Variants in EPAS1 observed in about 807,000 individuals in gnomAD.
The protein encoded by EPAS1 is endothelial PAS domain protein 1, also known as endothelial PAS domain-containing protein 1.
In EPAS1, 23 loss-of-function variants were observed where a neutral mutation model predicts 87.9. The observed-to-expected ratio is 0.26, with a 90% CI of 0.19 to 0.37. The LOEUF (loss-of-function observed/expected upper bound fraction) is 0.37, where lower values mean the gene tolerates loss of function less well. Among genes scored for constraint, EPAS1 ranks in the 10% least tolerant of loss-of-function variants. The pLI, the probability that EPAS1 is intolerant of heterozygous loss-of-function variation, is 1.00. For synonymous variants in EPAS1, 508 were observed against 444.3 expected (o/e 1.14, Z -1.80); for missense variants, 1,138 against 1,120.7 (o/e 1.02, Z -0.22).
intron 10 of EPAS1, 89 bp downstream of exon 10, chr2:46,378,176 C>A: frequency 6.6e-7 from 1 of 1,522,562 alleles, no homozygotes; most frequent in Non-Finnish European, 8.8e-7. Context: ...GGGACAGGTA[C>A]TGTCCTTCTC....
At chr2:46,381,038 GTGA>G in intron 12 of EPAS1, 1 of 432,900 alleles carries the variant, frequency 2.3e-6, no homozygotes, top group Non-Finnish European at 4.2e-6. Context: ...AGAAAATTGA[GTGA>G]TGATTTTCCC....
At chr2:46,376,171 G>GA (rs3214773) in intron 8 of EPAS1, among the ~76,000 whole-genome samples, 56 of 150,226 alleles carry the variant, frequency 3.7e-4, no homozygotes, top group African/African-American at 1.0e-3. Flanking sequence ...ATGCTTTTGG[G>GA]AAAAAAAAAA....
intron 1 of EPAS1, among the ~76,000 whole-genome samples, chr2:46,330,374 A>G (rs546883956): frequency 1.3e-5 from 2 of 152,326 alleles, no homozygotes; most frequent in South Asian, 4.1e-4. Context: ...TGGGTAGTGC[A>G]CTGTCCCTGA....
intron 1 of EPAS1, among the ~76,000 whole-genome samples, chr2:46,338,955 C>T (rs77123654): frequency 2.5e-3 from 380 of 152,078 alleles, no homozygotes; most frequent in African/African-American, 8.9e-3. Context: ...GAGGTGGCTA[C>T]GGGGAGCTGG....
chr2:46,344,280 C>G (rs1370017505), intron 1 of EPAS1, among the ~76,000 whole-genome samples: 1 of 152,236 alleles, frequency 6.6e-6, no homozygotes, highest in African/African-American at 2.4e-5. Flanking sequence ...TCCTCTCTGC[C>G]TCTTCTTCGA....
At position 46,303,060 on chromosome 2, in the gene EPAS1, G is replaced by A. The variant is rs535970673; in HGVS notation, c.26+5123G>A. Among the ~76,000 whole-genome samples the A allele has an allele frequency of 7.9e-5, 12 of 152,282 alleles. No homozygotes were observed. In the South Asian group the frequency reaches 1.2e-3, roughly 16 times the overall value. On this transcript the variant is annotated intron_variant, in intron 1 of 15. Coordinates refer to ENST00000263734, the MANE Select transcript of EPAS1 (RefSeq NM_001430.5). ...TGCACTCCAGCGTGGGTGACAGAGC[G>A]AGACAACGTCAAAGAAAGAAAGAAA...
At chr2:46,301,889 A>T (rs1246069329) in intron 1 of EPAS1, among the ~76,000 whole-genome samples, 2 of 152,044 alleles carry the variant, frequency 1.3e-5, no homozygotes, top group African/African-American at 4.8e-5. Context: ...AACTTTGAGA[A>T]GTATGAATTC....
intron 12 of EPAS1, chr2:46,381,376 G>C (rs1232047067): frequency 3.5e-5 from 23 of 658,552 alleles, no homozygotes; most frequent in Non-Finnish European, 5.8e-5. Flanking sequence ...CCATCCCCCA[G>C]ACCAGGAGGC....
chr2:46,321,908 A>G (rs1683461229), intron 1 of EPAS1, among the ~76,000 whole-genome samples: 1 of 152,200 alleles, frequency 6.6e-6, no homozygotes, highest in African/African-American at 2.4e-5. Flanking sequence ...CGTGCTGTGG[A>G]GCATGTGAAA....
intron 1 of EPAS1, among the ~76,000 whole-genome samples, chr2:46,301,824 G>GAA (rs3053640): frequency 0.42 from 55,170 of 131,124 alleles, 13,079 homozygotes; most frequent in Middle Eastern, 0.6. Context: ...TTTGCTTTTT[G>GAA]AAAAAAAAAA....
chr2:46,310,098 A>C (rs947838500), intron 1 of EPAS1, among the ~76,000 whole-genome samples: 1 of 152,216 alleles, frequency 6.6e-6, no homozygotes, highest in African/African-American at 2.4e-5. Flanking sequence ...TTCTCAGGGT[A>C]ATAAACGCCA....
chr2:46,315,713 C>T (rs997964531), intron 1 of EPAS1, among the ~76,000 whole-genome samples: 5 of 152,220 alleles, frequency 3.3e-5, no homozygotes, highest in Admixed American at 1.3e-4. Context: ...ACTGCTGGAC[C>T]GAGGGCAGGA....
intron 1 of EPAS1, among the ~76,000 whole-genome samples, chr2:46,317,878 C>T (rs752869224): frequency 2.6e-5 from 4 of 152,194 alleles, no homozygotes; most frequent in East Asian, 1.9e-4. Flanking sequence ...TTAAATGTGA[C>T]GAACCAACCT....
intron 2 of EPAS1, among the ~76,000 whole-genome samples, chr2:46,353,113 A>C (rs568626337): frequency 6.6e-6 from 1 of 152,322 alleles, no homozygotes; most frequent in East Asian, 1.9e-4. Context: ...TAGAAACCAC[A>C]GGGTTGGCCT....
chr2:46,310,947 G>C (rs1036478111), intron 1 of EPAS1, among the ~76,000 whole-genome samples: 2 of 152,186 alleles, frequency 1.3e-5, no homozygotes, highest in Non-Finnish European at 2.9e-5. Context: ...CACGATCTTG[G>C]CTCACTGCAA....
chr2:46,359,235 G>A (rs1684335277), intron 4 of EPAS1, among the ~76,000 whole-genome samples: 1 of 109,662 alleles, frequency 9.1e-6, no homozygotes, highest in African/African-American at 3.8e-5. Flanking sequence ...CTCCAGCCTG[G>A]CGACAGAGCA....
intron 1 of EPAS1, among the ~76,000 whole-genome samples, chr2:46,322,107 A>C (rs1558586713): frequency 6.6e-6 from 1 of 152,056 alleles, no homozygotes; most frequent in Non-Finnish European, 1.5e-5. Flanking sequence ...TCCTGGGCCC[A>C]CTTTCTTCCT....
chr2:46,323,879 G>A (rs1683502967), intron 1 of EPAS1, among the ~76,000 whole-genome samples: 1 of 152,056 alleles, frequency 6.6e-6, no homozygotes, highest in Non-Finnish European at 1.5e-5. Flanking sequence ...GACTGTATTG[G>A]GTGTGATTCT....
chr2:46,319,977 A>G (rs764855757), intron 1 of EPAS1, among the ~76,000 whole-genome samples: 20 of 152,230 alleles, frequency 1.3e-4, no homozygotes, highest in Non-Finnish European at 2.4e-4. Context: ...AAAATTTGGC[A>G]ACGGCAGAAT....
Sources: allele counts gnomAD v4.1 joint callset (sites outside exome capture counted in the v4.1 genomes callset), GRCh38; gene constraint gnomAD v4.1.1; transcripts MANE v1.5; gene names NCBI Gene and HGNC (gene_info 2026-07-23, HGNC 2026-07-21).